PPP2R2B: variants seen among roughly 807,000 people sequenced by gnomAD.
PPP2R2B encodes the protein serine/threonine-protein phosphatase 2A 55 kDa regulatory subunit B beta isoform.
In PPP2R2B, 5 loss-of-function variants were observed where a neutral mutation model predicts 46.0. That is an observed-to-expected ratio of 0.11 (90% CI 0.06 to 0.23). The LOEUF (loss-of-function observed/expected upper bound fraction) is 0.23, where lower values mean the gene tolerates loss of function less well. Among genes scored for constraint, PPP2R2B ranks in the 10% least tolerant of loss-of-function variants. PPP2R2B has a pLI of 1.00. For missense variants in PPP2R2B, 367 were observed against 575.0 expected (o/e 0.64, Z 3.70); for synonymous variants, 215 against 206.7 (o/e 1.04, Z -0.34).
At chr5:146,598,682 A>G (rs182223209) in intron 8 of PPP2R2B, among the ~76,000 whole-genome samples, 2 of 152,294 alleles carry the variant, frequency 1.3e-5, no homozygotes, top group South Asian at 2.1e-4. Context: ...TTTTCCTGTT[A>G]TATCCCGCAT....
intron 2 of PPP2R2B, among the ~76,000 whole-genome samples, chr5:146,795,178 C>T (rs1756448558): frequency 6.6e-6 from 1 of 152,004 alleles, no homozygotes; most frequent in Non-Finnish European, 1.5e-5. Context: ...TAGATAGGCT[C>T]CCACTTCTGA....
At chr5:147,013,892 A>G (rs1310582358) in intron 1 of PPP2R2B, among the ~76,000 whole-genome samples, 1 of 147,566 alleles carries the variant, frequency 6.8e-6, no homozygotes. Flanking sequence ...AATGGGATCT[A>G]ATTAAACTAA....
At chr5:146,849,636 G>A (rs1760220540) in intron 2 of PPP2R2B, among the ~76,000 whole-genome samples, 1 of 152,044 alleles carries the variant, frequency 6.6e-6, no homozygotes, top group Admixed American at 6.6e-5. Flanking sequence ...AGTACAAGAG[G>A]GTGCACTAAC....
intron 2 of PPP2R2B, among the ~76,000 whole-genome samples, chr5:146,864,739 C>G (rs319230): frequency 0.22 from 33,317 of 151,988 alleles, 4,898 homozygotes; most frequent in African/African-American, 0.39. Flanking sequence ...TGGAGCTTTG[C>G]GGGGTAGAAG....
intron 2 of PPP2R2B, chr5:146,706,612 C>A: frequency 1.2e-6 from 1 of 816,744 alleles, no homozygotes; most frequent in South Asian, 1.3e-5. Context: ...CTGCGCTGCT[C>A]CGCATCTGCG....
At chr5:146,660,669 C>T (rs1581815351) in intron 5 of PPP2R2B, among the ~76,000 whole-genome samples, 2 of 152,316 alleles carry the variant, frequency 1.3e-5, no homozygotes, top group South Asian at 2.1e-4. Flanking sequence ...CACCCTTCAA[C>T]AGCCTCAATA....
intron 1 of PPP2R2B, among the ~76,000 whole-genome samples, chr5:146,972,114 T>C (rs1022071069): frequency 6.6e-6 from 1 of 152,194 alleles, no homozygotes; most frequent in Non-Finnish European, 1.5e-5. Flanking sequence ...TTGCTCTTCA[T>C]GACCTTAAGA....
intron 1 of PPP2R2B, among the ~76,000 whole-genome samples, chr5:146,976,207 G>A (rs184226718): frequency 6.4e-4 from 97 of 151,134 alleles, no homozygotes; most frequent in Middle Eastern, 3.5e-3. Flanking sequence ...GTGCAATCTC[G>A]GCTCACTGCA....
At chr5:146,802,463 G>A (rs1165012820) in intron 2 of PPP2R2B, among the ~76,000 whole-genome samples, 3 of 152,154 alleles carry the variant, frequency 2.0e-5, no homozygotes, top group Admixed American at 6.5e-5. Context: ...TGCTCCTGAA[G>A]CATCATCTCA....
chr5:146,846,870 G>T (rs1760044128), intron 2 of PPP2R2B, among the ~76,000 whole-genome samples: 2 of 151,908 alleles, frequency 1.3e-5, no homozygotes, highest in Middle Eastern at 3.2e-3. Context: ...TGCCTATAAT[G>T]GTATATATTG....
intron 1 of PPP2R2B, chr5:146,914,531 A>AAAT (rs1471759118): frequency 1.3e-5 from 2 of 152,178 alleles, no homozygotes; most frequent in Non-Finnish European, 2.9e-5. Context: ...CATCTGTATC[A>AAAT]ACAAATTTGA....
At chr5:147,077,221 T>C (rs1316400386) in intron 2 of PPP2R2B, among the ~76,000 whole-genome samples, 1 of 147,642 alleles carries the variant, frequency 6.8e-6, no homozygotes, top group East Asian at 1.9e-4. Flanking sequence ...TATACACATA[T>C]GTATGCATAA....
intron 2 of PPP2R2B, among the ~76,000 whole-genome samples, chr5:146,865,874 G>A (rs1761282404): frequency 6.6e-6 from 1 of 152,058 alleles, no homozygotes; most frequent in South Asian, 2.1e-4. Context: ...TCCTACCAAG[G>A]CCCCACCTCC....
At chr5:146,946,943 G>A (rs1470947597) in intron 1 of PPP2R2B, among the ~76,000 whole-genome samples, 1 of 151,918 alleles carries the variant, frequency 6.6e-6, no homozygotes, top group Non-Finnish European at 1.5e-5. Flanking sequence ...CTGAGAGGGT[G>A]TTTCTCAAGA....
intron 1 of PPP2R2B, among the ~76,000 whole-genome samples, chr5:146,890,993 G>T (rs1762476415): frequency 6.6e-6 from 1 of 152,112 alleles, no homozygotes. Flanking sequence ...TAAGGCCTGG[G>T]TCCAAAGAAA....
intron 8 of PPP2R2B, among the ~76,000 whole-genome samples, chr5:146,597,253 C>G (rs977876583): frequency 6.6e-6 from 1 of 152,140 alleles, no homozygotes; most frequent in African/African-American, 2.4e-5. Context: ...CTCTCTCTTA[C>G]ATGGTCTCAT....
intron 2 of PPP2R2B, among the ~76,000 whole-genome samples, chr5:146,836,641 G>T (rs2151360206): frequency 6.6e-6 from 1 of 152,290 alleles, no homozygotes; most frequent in East Asian, 1.9e-4. Flanking sequence ...GAATAACCTG[G>T]TCTCTGTCAT....
Position 146,582,377 on chromosome 5 carries a change from C to T in PPP2R2B, c.*7570G>A, listed in dbSNP as rs115883089. On this transcript the variant is annotated 3_prime_UTR_variant, in exon 10 of 10. Transcript: ENST00000394411. ...ATGGTATTGATTGTAAGCTGTCAAC[C>T]TTTCTGCATGCTTTTCAGGGTCCCA... is the stretch of plus-strand genomic sequence containing the variant. 1.9e-4 allele frequency: 29 copies of T among 152,306 alleles called. No individual in the cohort carries two copies. The highest frequency in any genetic ancestry group is 7.0e-4 in the African/African-American group (29 of 41,560). The allele number at this position is 152,306 out of a possible 1,614,324, so 9.4% of individuals were successfully genotyped here.
At chr5:146,832,921 T>G (rs886595586) in intron 2 of PPP2R2B, among the ~76,000 whole-genome samples, 1 of 151,984 alleles carries the variant, frequency 6.6e-6, no homozygotes, top group African/African-American at 2.4e-5. Context: ...AATTGCCTAA[T>G]GGCACACTTC....
Sources: gnomAD v4.1 joint callset for allele counts (sites outside exome capture counted in the v4.1 genomes callset) on GRCh38, gnomAD v4.1.1 for gene constraint, MANE v1.5 for transcripts, NCBI Gene and HGNC (gene_info 2026-07-23, HGNC 2026-07-21) for gene names.